NAALADL2: variants seen among roughly 807,000 people sequenced by gnomAD.
NAALADL2 encodes N-acetylated alpha-linked acidic dipeptidase like 2.
NAALADL2 carries 76 observed loss-of-function variants against 87.2 expected under a neutral mutation model. The ratio of observed to expected loss-of-function variants is 0.87; its 90% CI spans 0.72 to 1.05. The LOEUF (loss-of-function observed/expected upper bound fraction) is 1.05. Ranked by LOEUF, NAALADL2 falls within the 50% of genes least tolerant of loss-of-function variation. NAALADL2 has a pLI of 0.00. For synonymous variants in NAALADL2, 354 were observed against 331.0 expected (o/e 1.07, Z -0.75); for missense variants, 1,089 against 945.8 (o/e 1.15, Z -1.99).
chr3:175,650,434 T>G (rs1730612330), intron 11 of NAALADL2, among the ~76,000 whole-genome samples: 2 of 152,190 alleles, frequency 1.3e-5, no homozygotes, highest in South Asian at 4.1e-4. Flanking sequence ...TGCACAACTC[T>G]TTAAATTTAC....
In NAALADL2 at chr3:175,173,456, C is replaced by T. The variant is rs560785404; in HGVS notation, c.546-60475C>T. On this transcript the variant is annotated intron_variant, in intron 2 of 13. Transcript: ENST00000454872. ...GGCAGGGGTTGCAGTGAGCCAACGT[C>T]GTGCCACTGCACTCCAACCTGAGTG... Among the ~76,000 whole-genome samples the T allele has an allele frequency of 5.3e-5, 8 of 152,132 alleles. No homozygotes were observed. The South Asian group carries it at 1.7e-3, about 32-fold the overall frequency.
intron 11 of NAALADL2, among the ~76,000 whole-genome samples, chr3:175,633,770 G>A (rs561990666): frequency 1.3e-5 from 2 of 151,622 alleles, no homozygotes; most frequent in East Asian, 3.9e-4. Context: ...AATGGCATAG[G>A]ATATATAAGA....
At chr3:175,553,703 A>G (rs1285107906) in intron 9 of NAALADL2, among the ~76,000 whole-genome samples, 1 of 151,388 alleles carries the variant, frequency 6.6e-6, no homozygotes, top group Non-Finnish European at 1.5e-5. Flanking sequence ...GTACCTGAGT[A>G]TTATAGCCAC....
At position 174,926,456 on chromosome 3, in the gene NAALADL2, A is replaced by T. The variant is rs374210118; in HGVS notation, c.43+67006A>T. ...AAAAATGTTAAGGGCAGCCAGAGAG[A>T]AAGGTCGGGTTACCCACAAAGAGAA... On this transcript the variant is annotated intron_variant, in intron 1 of 13. Coordinates refer to ENST00000454872, the MANE Select transcript of NAALADL2 (RefSeq NM_207015.3). Among the ~76,000 whole-genome samples, 34 of 152,288 alleles carry T rather than the reference A, an allele frequency of 2.2e-4. No homozygotes were observed. The East Asian group carries it at 5.8e-3, about 26-fold the overall frequency.
At chr3:175,601,500 T>C (rs1367102013) in intron 10 of NAALADL2, among the ~76,000 whole-genome samples, 2 of 152,168 alleles carry the variant, frequency 1.3e-5, no homozygotes, top group Non-Finnish European at 2.9e-5. Context: ...TATCTGGCGA[T>C]ATGGAGCAAG....
At chr3:174,967,534 G>A (rs1434130937) in intron 1 of NAALADL2, among the ~76,000 whole-genome samples, 1 of 152,140 alleles carries the variant, frequency 6.6e-6, no homozygotes, top group Non-Finnish European at 1.5e-5. Flanking sequence ...CTTGACCAAT[G>A]CTATTTCAGA....
exon 3 of NAALADL2, chr3:174,737,717 C>T (rs1733355909): frequency 6.6e-6 from 1 of 152,178 alleles, no homozygotes; most frequent in Admixed American, 6.5e-5. Flanking sequence ...TGCAGAAGCC[C>T]TCCAGTTGCA....
chr3:175,058,542 G>T (rs1339281367), intron 1 of NAALADL2, among the ~76,000 whole-genome samples: 2 of 152,054 alleles, frequency 1.3e-5, no homozygotes, highest in African/African-American at 2.4e-5. Flanking sequence ...TAATTGAGGG[G>T]CCAAATCTGC....
chr3:175,181,227 T>C (rs1460872448), intron 2 of NAALADL2, among the ~76,000 whole-genome samples: 16 of 152,090 alleles, frequency 1.1e-4, no homozygotes, highest in Admixed American at 6.6e-5. Flanking sequence ...CCTGAAATCA[T>C]ATATTTGAAA....
chr3:174,547,255 C>A (rs1450433119), intron 1 of NAALADL2, among the ~76,000 whole-genome samples: 1 of 152,048 alleles, frequency 6.6e-6, no homozygotes, highest in Non-Finnish European at 1.5e-5. Flanking sequence ...CATAAATTGT[C>A]CTGCATATAC....
At chr3:175,673,342 G>A (rs1734266245) in intron 11 of NAALADL2, among the ~76,000 whole-genome samples, 1 of 152,082 alleles carries the variant, frequency 6.6e-6, no homozygotes, top group Admixed American at 6.6e-5. Context: ...ACTAAATGGA[G>A]ATCAATAGCT....
At chr3:175,065,716 G>GA (rs1051477570) in intron 1 of NAALADL2, among the ~76,000 whole-genome samples, 2 of 152,040 alleles carry the variant, frequency 1.3e-5, no homozygotes, top group East Asian at 1.9e-4. Flanking sequence ...AGGTCATGGA[G>GA]AAAAAAAAGA....
intron 5 of NAALADL2, among the ~76,000 whole-genome samples, chr3:175,356,603 T>TAAA (rs1764400919): frequency 7.6e-6 from 1 of 132,314 alleles, no homozygotes; most frequent in South Asian, 2.2e-4. Flanking sequence ...ATAATAATAA[T>TAAA]AATAATAAAG....
intron 5 of NAALADL2, among the ~76,000 whole-genome samples, chr3:175,424,473 A>G (rs1312417015): frequency 6.6e-6 from 1 of 152,196 alleles, no homozygotes; most frequent in Non-Finnish European, 1.5e-5. Context: ...AGCTTTCTAC[A>G]TATGGCTAGC....
At chr3:175,210,585 A>G (rs892117680) in intron 2 of NAALADL2, among the ~76,000 whole-genome samples, 1 of 151,712 alleles carries the variant, frequency 6.6e-6, no homozygotes, top group Admixed American at 6.6e-5. Context: ...TTAATGTGGA[A>G]TATGGCAAAG....
intron 1 of NAALADL2, among the ~76,000 whole-genome samples, chr3:174,938,265 A>G (rs1462509533): frequency 6.6e-6 from 1 of 151,986 alleles, no homozygotes; most frequent in Non-Finnish European, 1.5e-5. Context: ...GTATAAGTGA[A>G]AACATGTGTT....
intron 11 of NAALADL2, among the ~76,000 whole-genome samples, chr3:175,667,995 C>T (rs773870622): frequency 1.1e-4 from 16 of 152,082 alleles, no homozygotes; most frequent in South Asian, 2.1e-4. Context: ...GTGGAAAGTG[C>T]GCCCATCATC....
At chr3:175,750,698 C>G (rs1468313327) in intron 12 of NAALADL2, among the ~76,000 whole-genome samples, 1 of 152,172 alleles carries the variant, frequency 6.6e-6, no homozygotes, top group African/African-American at 2.4e-5. Flanking sequence ...CATGATCTAT[C>G]TCTCAAGGTT....
chr3:174,928,813 A>G (rs7615452), intron 1 of NAALADL2, among the ~76,000 whole-genome samples: 33,772 of 152,086 alleles, frequency 0.22, 3,942 homozygotes, highest in East Asian at 0.35. Context: ...GGTGAATGCA[A>G]TAGTTTGGAA....
Sources: gnomAD v4.1 joint callset for allele counts (sites outside exome capture counted in the v4.1 genomes callset) on GRCh38, gnomAD v4.1.1 for gene constraint, MANE v1.5 for transcripts, NCBI Gene and HGNC (gene_info 2026-07-23, HGNC 2026-07-21) for gene names.